Variants in BCAS3 observed in about 807,000 individuals in gnomAD.
BCAS3 encodes BCAS3 microtubule associated cell migration factor, also known as BCAS4/BCAS3 fusion.
A neutral mutation model predicts 116.1 loss-of-function variants in BCAS3; 53 were observed. That is an observed-to-expected ratio of 0.46 (90% CI 0.37 to 0.57). The LOEUF is 0.57. Among genes scored for constraint, BCAS3 ranks in the 20% least tolerant of loss-of-function variants. The pLI is 0.00. For synonymous variants in BCAS3, 391 were observed against 408.2 expected (o/e 0.96, Z 0.51); for missense variants, 917 against 1,165.4 (o/e 0.79, Z 3.10).
chr17:60,973,318 C>T (rs1440142830), intron 14 of BCAS3, among the ~76,000 whole-genome samples: 2 of 152,004 alleles, frequency 1.3e-5, no homozygotes, highest in South Asian at 2.1e-4. Context: ...CAATAGCCAC[C>T]TGCCTTTGAG....
rs2054675005 is a variant in BCAS3 at position 61,315,729 on chromosome 17, T to C, written c.2426-52598T>C. The stretch of plus-strand genomic sequence containing the variant: ...GTTTCATGCCCCACGCCTTTGCTGG[T>C]ACTGGTCCCTGAGATGTCCCCTGAC... On this transcript the variant is annotated intron_variant, in intron 22 of 23. Coordinates refer to ENST00000407086, the MANE Select transcript of BCAS3 (RefSeq NM_017679.5). The surrounding 1 kb of genome is among the most constrained non-coding windows in gnomAD (Gnocchi z 5.3). 6.6e-6 allele frequency among the ~76,000 whole-genome samples: 1 copy of C among 152,092 alleles called. No individual in the cohort carries two copies. The highest frequency in any genetic ancestry group is 6.6e-5 in the Admixed American group (1 of 15,266).
At chr17:61,016,834 G>C (rs901445714) in intron 16 of BCAS3, 3 of 152,164 alleles carry the variant, frequency 2.0e-5, no homozygotes, top group Non-Finnish European at 4.4e-5. Flanking sequence ...GTTGTGCTCA[G>C]TATTAATGTG....
chr17:61,174,298 T>C (rs1220492594), intron 22 of BCAS3, among the ~76,000 whole-genome samples: 1 of 152,224 alleles, frequency 6.6e-6, no homozygotes, highest in Non-Finnish European at 1.5e-5. Flanking sequence ...TTGTGCCGTT[T>C]GACCTACATC....
At chr17:61,127,926 T>C (rs1004492390) in intron 22 of BCAS3, among the ~76,000 whole-genome samples, 1 of 151,894 alleles carries the variant, frequency 6.6e-6, no homozygotes, top group African/African-American at 2.4e-5. Flanking sequence ...GAGTACATAC[T>C]TGAAATTAAC....
chr17:60,919,209 G>T (rs1484148510), intron 12 of BCAS3, among the ~76,000 whole-genome samples: 2 of 151,838 alleles, frequency 1.3e-5, no homozygotes, highest in South Asian at 2.1e-4. Flanking sequence ...TACATTTTTT[G>T]GGGGGGTTAA....
At chr17:60,948,668 A>T (rs1351752210) in intron 14 of BCAS3, among the ~76,000 whole-genome samples, 1 of 152,180 alleles carries the variant, frequency 6.6e-6, no homozygotes, top group East Asian at 1.9e-4. Context: ...AATGGATTGA[A>T]ATGTCTTAAA....
chr17:60,941,501 A>C (rs1039420067), intron 13 of BCAS3, among the ~76,000 whole-genome samples: 1 of 152,200 alleles, frequency 6.6e-6, no homozygotes, highest in African/African-American at 2.4e-5. Flanking sequence ...GCACGTGACT[A>C]TGTAGTCCTA....
intron 14 of BCAS3, among the ~76,000 whole-genome samples, chr17:60,984,774 C>T (rs2063023677): frequency 6.6e-6 from 1 of 151,878 alleles, no homozygotes; most frequent in Admixed American, 6.6e-5. Flanking sequence ...TTTTGGGAGG[C>T]CAAAGTGGGC....
At chr17:61,169,165 T>C (rs551404484) in intron 22 of BCAS3, among the ~76,000 whole-genome samples, 2 of 152,370 alleles carry the variant, frequency 1.3e-5, no homozygotes, top group South Asian at 4.1e-4. Context: ...ACAGTTCTAA[T>C]ACCTATGTCA....
intron 5 of BCAS3, among the ~76,000 whole-genome samples, chr17:60,725,495 T>C (rs2039725299): frequency 6.6e-6 from 1 of 152,204 alleles, no homozygotes; most frequent in African/African-American, 2.4e-5. Flanking sequence ...AGCATTGTCT[T>C]GAGGCGATAA....
intron 22 of BCAS3, among the ~76,000 whole-genome samples, chr17:61,174,275 C>G (rs2079015764): frequency 6.6e-6 from 1 of 152,174 alleles, no homozygotes; most frequent in African/African-American, 2.4e-5. Flanking sequence ...ACTTACTCCT[C>G]CTTACTAAAA....
intron 5 of BCAS3, among the ~76,000 whole-genome samples, chr17:60,725,374 T>G (rs916338530): frequency 1.1e-4 from 17 of 152,246 alleles, no homozygotes; most frequent in Admixed American, 7.9e-4. Context: ...CTAGCCCTTC[T>G]TGCTAACATC....
Position 61,189,211 on chromosome 17 carries a change from G to A in BCAS3, c.2425+104647G>A, listed in dbSNP as rs2079958343. The stretch of plus-strand genomic sequence containing the variant: ...TGTGCTTAGAGTTGAGGAAGGTGGA[G>A]AATATTTAAGGAAAGCTTTCTGTAG... On this transcript the variant is annotated intron_variant, in intron 22 of 23. Coordinates refer to ENST00000407086, the MANE Select transcript of BCAS3 (RefSeq NM_017679.5). The surrounding 1 kb of genome is among the most constrained non-coding windows in gnomAD (Gnocchi z 4.5). 1.3e-5 allele frequency among the ~76,000 whole-genome samples: 2 copies of A among 152,214 alleles called. No individual in the cohort carries two copies. Among genetic ancestry groups the A allele is most frequent in the Non-Finnish European group, 2.9e-5 (2 of 68,044 alleles).
intron 13 of BCAS3, among the ~76,000 whole-genome samples, chr17:60,927,097 T>A (rs980534962): frequency 6.6e-6 from 1 of 152,204 alleles, no homozygotes; most frequent in Non-Finnish European, 1.5e-5. Flanking sequence ...CTCAGAGTAA[T>A]AGGAAACTTA....
intron 22 of BCAS3, among the ~76,000 whole-genome samples, chr17:61,184,434 A>AC (rs2079648196): frequency 6.6e-6 from 1 of 152,162 alleles, no homozygotes; most frequent in South Asian, 2.1e-4. Flanking sequence ...GGCTGAAATT[A>AC]AAAGACTGAC....
At chr17:61,160,857 G>A (rs112435893) in intron 22 of BCAS3, among the ~76,000 whole-genome samples, 1 of 152,076 alleles carries the variant, frequency 6.6e-6, no homozygotes, top group African/African-American at 2.4e-5. Flanking sequence ...ATGCAGGGAG[G>A]GGGTGTCAGG....
rs139929266 is a variant in BCAS3, at chr17:61,253,247, A to G, written c.2426-115080A>G. 2.8e-3 allele frequency among the ~76,000 whole-genome samples: 424 copies of G among 151,706 alleles called. 3 individuals carry two copies. The highest frequency in any genetic ancestry group is 4.3e-3 in the Non-Finnish European group (295 of 67,908). ...CTCAGTCTCAGTTTCCTTGTCTACAAAATGGAGATAATATCAATGCCTGGG... is the reference window on the plus strand; with the variant it reads ...CTCAGTCTCAGTTTCCTTGTCTACAGAATGGAGATAATATCAATGCCTGGG... On this transcript the variant is annotated intron_variant, in intron 22 of 23. Transcript: ENST00000407086.
In BCAS3 at chr17:61,203,743, C is replaced by T. The variant is rs1177184463; in HGVS notation, c.2425+119179C>T. ...CTTTCTTCCCAGCTGGAACTTTCAG[C>T]CTTGTCCCCGAGACCAAAAGCTCAA... On this transcript the variant is annotated intron_variant, in intron 22 of 23. Transcript: ENST00000407086. The surrounding 1 kb of genome is among the most constrained non-coding windows in gnomAD (Gnocchi z 5.7). Among the ~76,000 whole-genome samples the T allele has an allele frequency of 6.6e-6, 1 of 152,116 alleles. No individual in the cohort carries two copies. The highest frequency in any genetic ancestry group is 1.5e-5 in the Non-Finnish European group (1 of 68,038).
chr17:60,806,035 T>A (rs987424757), intron 6 of BCAS3, among the ~76,000 whole-genome samples: 1 of 151,500 alleles, frequency 6.6e-6, no homozygotes, highest in Admixed American at 6.6e-5. Context: ...AATTTTTATA[T>A]TTTTGTATTT....
Sources: allele counts gnomAD v4.1 joint callset (sites outside exome capture counted in the v4.1 genomes callset), GRCh38; gene constraint gnomAD v4.1.1; non-coding constraint Gnocchi (gnomAD v3.1); transcripts MANE v1.5; gene names NCBI Gene and HGNC (gene_info 2026-07-23, HGNC 2026-07-21).